Variants in KAZN observed in about 807,000 individuals in gnomAD.
KAZN encodes kazrin.
A neutral mutation model predicts 87.4 loss-of-function variants in KAZN; 40 were observed. That is an observed-to-expected ratio of 0.46 (90% confidence interval 0.36 to 0.60). The LOEUF is 0.60. Ranked by LOEUF, KAZN falls within the 20% of genes least tolerant of loss-of-function variation. The pLI is 0.00. For synonymous variants in KAZN, 466 were observed against 458.3 expected, an observed-to-expected ratio of 1.02 and a Z score of -0.22; for missense variants, 898 against 1,073.9, an observed-to-expected ratio of 0.84 and a Z score of 2.29.
intron 4 of KAZN, among the ~76,000 whole-genome samples, chr1:15,045,516 A>C (rs1673382482): frequency 6.6e-6 from 1 of 152,240 alleles, no homozygotes; most frequent in African/African-American, 2.4e-5. Context: ...AACTTCTAGT[A>C]GCCCACTGTT....
intron 8 of KAZN, among the ~76,000 whole-genome samples, chr1:15,078,861 C>A (rs1435776471): frequency 6.6e-6 from 1 of 152,130 alleles, no homozygotes; most frequent in Non-Finnish European, 1.5e-5. Context: ...GCAAGAATTC[C>A]CCCCACCAAG....
At chr1:14,738,293 T>A (rs1271451275) in intron 1 of KAZN, among the ~76,000 whole-genome samples, 1 of 152,058 alleles carries the variant, frequency 6.6e-6, no homozygotes, top group East Asian at 1.9e-4. Flanking sequence ...AGGATCCTTC[T>A]CTCCCCAGGA....
chr1:13,954,809 G>T (rs544173826), intron 1 of KAZN, among the ~76,000 whole-genome samples: 1 of 152,154 alleles, frequency 6.6e-6, no homozygotes, highest in African/African-American at 2.4e-5. Flanking sequence ...TTTCTTGAGG[G>T]GGTTGGACTT....
chr1:14,952,738 A>AC (rs144499154), intron 1 of KAZN, among the ~76,000 whole-genome samples: 2,716 of 152,014 alleles, frequency 0.018, 85 homozygotes, highest in African/African-American at 0.055. Flanking sequence ...TGTTTCATCC[A>AC]CCTTCCTGGG....
chr1:13,957,744 C>T (rs1372824363), intron 1 of KAZN, among the ~76,000 whole-genome samples: 1 of 152,082 alleles, frequency 6.6e-6, no homozygotes, highest in Non-Finnish European at 1.5e-5. Context: ...GTGAGTGAGA[C>T]AGTGAGAACT....
intron 2 of KAZN, among the ~76,000 whole-genome samples, chr1:14,963,338 A>T (rs190903906): frequency 4.6e-5 from 7 of 152,278 alleles, no homozygotes; most frequent in African/African-American, 1.4e-4. Context: ...TAGAAACCCC[A>T]TTTCTCAGGT....
chr1:13,962,458 A>G (rs1641789312), intron 1 of KAZN, among the ~76,000 whole-genome samples: 1 of 152,096 alleles, frequency 6.6e-6, no homozygotes, highest in South Asian at 2.1e-4. Context: ...CCCTGACACC[A>G]TGTGGGGCTC....
At chr1:13,931,616 C>T (rs1640516303) in intron 1 of KAZN, among the ~76,000 whole-genome samples, 1 of 151,960 alleles carries the variant, frequency 6.6e-6, no homozygotes, top group Admixed American at 6.6e-5. Flanking sequence ...TCTCCATTAT[C>T]CAGACTAATA....
At chr1:14,650,029 CATCTT>C (rs1638254822) in intron 1 of KAZN, among the ~76,000 whole-genome samples, 1 of 129,506 alleles carries the variant, frequency 7.7e-6, no homozygotes, top group Non-Finnish European at 1.6e-5. Context: ...CCCCTCCACC[CATCTT>C]TTTTTTTTTT....
intron 1 of KAZN, among the ~76,000 whole-genome samples, chr1:14,726,861 C>G (rs1643407787): frequency 1.3e-5 from 2 of 152,298 alleles, no homozygotes; most frequent in African/African-American, 2.4e-5. Context: ...CTCATGCACG[C>G]TCAGCTTTGA....
At position 14,133,378 on chromosome 1, in the gene KAZN, AAAGAAAGAAAGAAAGAAAGAAAG is replaced by A. The variant is rs1321499581; in HGVS notation, c.92-47054_92-47032del. ...GAGACTCCCTCTCAAAAAAAAAAAA[AAAGAAAGAAAGAAAGAAAGAAAG>A]AAAGAAAGAAAGAAAGAAAGAAAGA... On this transcript the variant is annotated intron_variant, in intron 1 of 16. Transcript: ENST00000636203. 2.1e-3 allele frequency among the ~76,000 whole-genome samples: 47 copies of A among 22,486 alleles called. 3 individuals carry two copies. Among genetic ancestry groups the A allele is most frequent in the African/African-American group, 8.2e-3 (47 of 5,722 alleles). The allele number at this position is 22,486 out of a possible 152,430, so 14.8% of individuals were successfully genotyped here. A position where few individuals can be genotyped will look rare whatever the true frequency, so the allele number is the denominator to read the frequency against.
chr1:14,850,452 G>A lies in KAZN; in HGVS notation c.227-110232G>A, dbSNP rs548540108. 2.2e-4 allele frequency among the ~76,000 whole-genome samples: 33 copies of A among 152,172 alleles called. 1 individual carries two copies. The highest frequency in any genetic ancestry group is 3.4e-3 in the Middle Eastern group (1 of 294). The stretch of plus-strand genomic sequence containing the variant: ...CACACCAATCCAAGGAGGCTTATAC[G>A]GCTAACATCATCGCCATTTTACAGA... On this transcript the variant is annotated intron_variant, in intron 1 of 14. Coordinates refer to ENST00000376030, the MANE Select transcript of KAZN (RefSeq NM_201628.3).
intron 1 of KAZN, among the ~76,000 whole-genome samples, chr1:14,829,795 A>C (rs1015525066): frequency 6.6e-6 from 1 of 152,230 alleles, no homozygotes; most frequent in Non-Finnish European, 1.5e-5. Flanking sequence ...GTAAGCCTGG[A>C]AAGACAGGCA....
intron 1 of KAZN, among the ~76,000 whole-genome samples, chr1:14,629,652 C>T (rs1017381231): frequency 6.6e-6 from 1 of 152,176 alleles, no homozygotes; most frequent in African/African-American, 2.4e-5. Flanking sequence ...TTCACATCCA[C>T]TAGGTAGGAG....
intron 1 of KAZN, among the ~76,000 whole-genome samples, chr1:14,028,102 G>A (rs1354932674): frequency 6.6e-6 from 1 of 152,172 alleles, no homozygotes; most frequent in African/African-American, 2.4e-5. Flanking sequence ...TATTGGAGTA[G>A]CTTCTGTCCC....
At chr1:14,634,882 C>T (rs1172149078) in intron 1 of KAZN, among the ~76,000 whole-genome samples, 1 of 152,028 alleles carries the variant, frequency 6.6e-6, no homozygotes, top group African/African-American at 2.4e-5. Flanking sequence ...ATTATATGCA[C>T]GTAAAACATG....
chr1:14,970,589 G>A (rs993845845), intron 2 of KAZN, among the ~76,000 whole-genome samples: 8 of 152,212 alleles, frequency 5.3e-5, no homozygotes, highest in African/African-American at 9.7e-5. Flanking sequence ...CCCTCTGTGA[G>A]TTGCACAGGC....
intron 1 of KAZN, among the ~76,000 whole-genome samples, chr1:14,039,601 T>C (rs1641712418): frequency 1.3e-5 from 2 of 152,332 alleles, no homozygotes; most frequent in South Asian, 4.1e-4. Context: ...ATCATCATGT[T>C]TTATATTTAA....
intron 2 of KAZN, among the ~76,000 whole-genome samples, chr1:14,328,779 A>T (rs944212765): frequency 1.4e-5 from 2 of 147,252 alleles, no homozygotes; most frequent in Admixed American, 1.4e-4. Context: ...AAAGCCCTCC[A>T]GATTCTATGT....
Sources: gnomAD v4.1 joint callset for allele counts (sites outside exome capture counted in the v4.1 genomes callset) on GRCh38, gnomAD v4.1.1 for gene constraint, MANE v1.5 for transcripts, NCBI Gene and HGNC (gene_info 2026-07-23, HGNC 2026-07-21) for gene names.